Variants in BLK observed in about 807,000 individuals in gnomAD.
BLK encodes tyrosine-protein kinase Blk.
A neutral mutation model predicts 61.8 loss-of-function variants in BLK; 64 were observed. The ratio of observed to expected loss-of-function variants is 1.03; its 90% CI spans 0.85 to 1.27. The LOEUF is 1.27. BLK is among the 50% of genes most tolerant of loss of function. The pLI is 0.00. For synonymous variants in BLK, 351 were observed against 272.0 expected, an observed-to-expected ratio of 1.29 and a Z score of -2.86; for missense variants, 853 against 660.5, an observed-to-expected ratio of 1.29 and a Z score of -3.19.
chr8:11,533,891 T>G (rs565109196), intron 1 of BLK, among the ~76,000 whole-genome samples: 1 of 152,268 alleles, frequency 6.6e-6, no homozygotes, highest in East Asian at 1.9e-4. Context: ...AGAGGATCAC[T>G]GGCAGTAAAA....
Position 11,563,252 on chromosome 8 carries a change from C to T in BLK, c.1312+142C>T. ...GAAGACGGAGACCCAGGCATGGCAT[C>T]TGGGGTGGAGCTCTGCCCCCTGCAT... On this transcript the variant is annotated intron_variant, in intron 12 of 12. Coordinates refer to ENST00000259089, the MANE Select transcript of BLK (RefSeq NM_001715.3). 7.1e-6 allele frequency: 9 copies of T among 1,265,958 alleles called. No individual in the cohort carries two copies. The South Asian group carries it at 1.2e-4, about 16-fold the overall frequency. The allele number at this position is 1,265,958 out of a possible 1,614,324, so 78.4% of individuals were successfully genotyped here.
intron 10 of BLK, chr8:11,559,688 G>C (rs190985608): frequency 2.2e-6 from 1 of 453,222 alleles, no homozygotes; most frequent in Non-Finnish European, 4.4e-6. Context: ...ACAATCCCTC[G>C]GGCCCCACTT....
Position 11,556,792 on chromosome 8 carries a change from G to C in BLK, c.907G>C (p.Val303Leu). Residue 303 changes from valine (V) to leucine (L), a missense_variant, in exon 9 of 13, where the codon GTC becomes CTC. Val to Leu is a conservative substitution (Grantham distance 32). Transcript: ENST00000259089. Reference sequence around the variant, plus strand: ...GCGGCTGGTCCGACTCTACGCAGTGGTCACCAAGGAGCCCATCTACATTGT... The same window carrying C: ...GCGGCTGGTCCGACTCTACGCAGTGCTCACCAAGGAGCCCATCTACATTGT... The part of the protein sequence containing the change: ...HERLVRLYAV[V>L]TKEPIYIVTE... 6.2e-7 allele frequency: 1 copy of C among 1,614,196 alleles called. No homozygotes were observed. The highest frequency in any genetic ancestry group is 8.5e-7 in the Non-Finnish European group (1 of 1,180,032).
At chr8:11,554,349 T>G (rs925514806) in intron 6 of BLK, 4 of 318,070 alleles carry the variant, frequency 1.3e-5, no homozygotes, top group Non-Finnish European at 2.5e-5. Context: ...AGAGATACCC[T>G]CTTTAGCCAG....
At chr8:11,515,771 C>G (rs1315928159) in intron 1 of BLK, among the ~76,000 whole-genome samples, 2 of 152,248 alleles carry the variant, frequency 1.3e-5, no homozygotes, top group African/African-American at 4.8e-5. Flanking sequence ...TGGCCCAGAA[C>G]AGCTTCCTGC....
At chr8:11,497,213 C>A (rs913094388) in intron 1 of BLK, among the ~76,000 whole-genome samples, 5 of 152,190 alleles carry the variant, frequency 3.3e-5, no homozygotes, top group Non-Finnish European at 5.9e-5. Flanking sequence ...AAAACTCTTA[C>A]AGGAAAATCA....
intron 9 of BLK, 48 bp from the exon 10 acceptor site, chr8:11,557,913 AG>A (rs140450456): frequency 1.8e-5 from 28 of 1,571,920 alleles, no homozygotes; most frequent in Non-Finnish European, 2.4e-5. Flanking sequence ...TGGCACCACC[AG>A]GGGCGGGTCA....
At chr8:11,538,260 C>T (rs1250958461) in intron 1 of BLK, among the ~76,000 whole-genome samples, 1 of 152,216 alleles carries the variant, frequency 6.6e-6, no homozygotes, top group Admixed American at 6.5e-5. Flanking sequence ...GAGCCCCAGC[C>T]AGTGTGTGAT....
chr8:11,511,362 G>A (rs1186548024), intron 1 of BLK, among the ~76,000 whole-genome samples: 1 of 152,016 alleles, frequency 6.6e-6, no homozygotes, highest in African/African-American at 2.4e-5. Flanking sequence ...GTTAATGGGT[G>A]CAGCACACCA....
intron 1 of BLK, among the ~76,000 whole-genome samples, chr8:11,508,267 C>T (rs142894202): frequency 6.6e-6 from 1 of 152,362 alleles, no homozygotes; most frequent in African/African-American, 2.4e-5. Context: ...GGGAAATCAC[C>T]CGTGGCTTGC....
At chr8:11,561,057 G>A in intron 10 of BLK, 2 of 673,234 alleles carry the variant, frequency 3.0e-6, no homozygotes, top group Non-Finnish European at 5.5e-6. Context: ...TGTGGAGCGA[G>A]AACGAGGAGG....
intron 1 of BLK, among the ~76,000 whole-genome samples, chr8:11,500,439 G>T (rs1253142375): frequency 6.6e-6 from 1 of 152,006 alleles, no homozygotes; most frequent in Non-Finnish European, 1.5e-5. Flanking sequence ...CAAGTGATCT[G>T]CCTGCCTTGG....
At chr8:11,516,058 A>C (rs1799212145) in intron 1 of BLK, among the ~76,000 whole-genome samples, 1 of 152,356 alleles carries the variant, frequency 6.6e-6, no homozygotes, top group East Asian at 1.9e-4. Context: ...TGGCCTGTAC[A>C]TTCCATGGAA....
chr8:11,550,582 C>T (rs1800856738), intron 6 of BLK, among the ~76,000 whole-genome samples: 1 of 152,270 alleles, frequency 6.6e-6, no homozygotes, highest in Admixed American at 6.5e-5. Context: ...ACCCTGAGCC[C>T]TTAACCACCA....
intron 1 of BLK, among the ~76,000 whole-genome samples, chr8:11,522,160 T>C: frequency 6.6e-6 from 1 of 152,300 alleles, no homozygotes; most frequent in Non-Finnish European, 1.5e-5. Flanking sequence ...AGGTAAATTA[T>C]GTGTTTAGTT....
rs930040560 is a variant in BLK at position 11,564,370 on chromosome 8, TAAGCCC to T, written c.*263_*268del. On this transcript the variant is annotated 3_prime_UTR_variant, in exon 13 of 13. Transcript: ENST00000259089. Reference sequence around the variant, plus strand: ...GACCTCGCACGGTCATCCGGAGTACTAAGCCCCAGTAAGGTGTTCAGGACTGGTAAG... The same window carrying T: ...GACCTCGCACGGTCATCCGGAGTACTCAGTAAGGTGTTCAGGACTGGTAAG... 1.2e-5 allele frequency: 8 copies of T among 679,994 alleles called. No individual in the cohort carries two copies. The highest frequency in any genetic ancestry group is 2.2e-5 in the Non-Finnish European group (8 of 370,754). 42.1% of individuals were successfully genotyped at this position (679,994 alleles called of 1,614,324 possible).
At chr8:11,540,610 T>A (rs1240149006) in intron 1 of BLK, among the ~76,000 whole-genome samples, 3 of 152,142 alleles carry the variant, frequency 2.0e-5, no homozygotes, top group African/African-American at 7.2e-5. Context: ...AAGACAATGC[T>A]ACATAAAACT....
intron 1 of BLK, among the ~76,000 whole-genome samples, chr8:11,540,074 C>T (rs6981617): frequency 0.13 from 20,243 of 151,988 alleles, 1,589 homozygotes; most frequent in East Asian, 0.24. Context: ...GTTCTCTCTT[C>T]GCTTCTGGGT....
At chr8:11,513,124 T>C (rs1360795960) in intron 1 of BLK, among the ~76,000 whole-genome samples, 2 of 152,204 alleles carry the variant, frequency 1.3e-5, no homozygotes, top group African/African-American at 4.8e-5. Context: ...ACGAGATCCC[T>C]ACTGTCCATG....
Sources: gnomAD v4.1 joint callset for allele counts (sites outside exome capture counted in the v4.1 genomes callset) on GRCh38, gnomAD v4.1.1 for gene constraint, MANE v1.5 for transcripts, NCBI Gene and HGNC (gene_info 2026-07-23, HGNC 2026-07-21) for gene names.